BLTP1: variants seen among roughly 807,000 people sequenced by gnomAD.
BLTP1 encodes the protein bridge-like lipid transfer protein family member 1, also known as fragile site-associated protein.
chr4:122,207,970 T>G, the BLTP1 span: 42 of 984,280 alleles, frequency 4.3e-5, no homozygotes, highest in Non-Finnish European at 5.1e-5. Context: ...CTTTATTTGA[T>G]TCTTAATTGT....
chr4:122,286,619 C>T, the BLTP1 span: 1 of 1,614,112 alleles, frequency 6.2e-7, no homozygotes, highest in Non-Finnish European at 8.5e-7. Context: ...ACAGATATGT[C>T]AACCATTCCT....
the BLTP1 span, among the ~76,000 whole-genome samples, chr4:122,228,075 G>A: frequency 4.0e-5 from 6 of 151,802 alleles, no homozygotes; most frequent in African/African-American, 7.2e-5. Flanking sequence ...CACCACGCCC[G>A]GCTAATTTTT....
chr4:122,192,278 T>C, the BLTP1 span: 1 of 1,613,278 alleles, frequency 6.2e-7, no homozygotes, highest in East Asian at 2.2e-5. Context: ...AAATGAGCAG[T>C]GAGGATTGCA....
the BLTP1 span, chr4:122,254,623 T>G: frequency 5.0e-5 from 41 of 811,916 alleles, no homozygotes; most frequent in African/African-American, 1.2e-3. Context: ...TTTTTCTTTC[T>G]TTTCTATTGT....
the BLTP1 span, chr4:122,356,702 T>A: frequency 6.2e-7 from 1 of 1,613,704 alleles, no homozygotes; most frequent in East Asian, 2.2e-5. Flanking sequence ...GATGCTGAGC[T>A]CATCATGTTT....
At chr4:122,328,030 G>T in the BLTP1 span, 1 of 1,157,046 alleles carries the variant, frequency 8.6e-7, no homozygotes, top group Non-Finnish European at 1.2e-6. Context: ...ATTTTTAAAT[G>T]TTTAAATTTA....
At chr4:122,354,487 T>TG in the BLTP1 span, among the ~76,000 whole-genome samples, 1 of 151,292 alleles carries the variant, frequency 6.6e-6, no homozygotes, top group African/African-American at 2.4e-5. Flanking sequence ...TTTTTTTTTT[T>TG]CATTTGATTA....
the BLTP1 span, chr4:122,169,874 A>C: frequency 1.4e-5 from 14 of 985,110 alleles, no homozygotes; most frequent in Non-Finnish European, 4.8e-6. Flanking sequence ...AATAATGGAG[A>C]ATACATAGAG....
chr4:122,331,100 G>A, the BLTP1 span: 11 of 962,686 alleles, frequency 1.1e-5, no homozygotes, highest in Non-Finnish European at 1.4e-5. Flanking sequence ...CCTTAAAAGT[G>A]GTGATTATGT....
chr4:122,321,181 TTGTGCCATCATAAAG>T, the BLTP1 span, among the ~76,000 whole-genome samples: 1 of 152,064 alleles, frequency 6.6e-6, no homozygotes, highest in Non-Finnish European at 1.5e-5. Flanking sequence ...GTTACCTCTT[TTGTGCCATCATAAAG>T]TCAAAAAATC....
chr4:122,172,989 T>A, the BLTP1 span: 1 of 1,607,852 alleles, frequency 6.2e-7, no homozygotes, highest in Non-Finnish European at 8.5e-7. Context: ...GACACATTAC[T>A]GTGTAGAAGT....
chr4:122,335,957 TG>T, the BLTP1 span: 1 of 349,426 alleles, frequency 2.9e-6, no homozygotes, highest in East Asian at 4.7e-5. Flanking sequence ...GCTGAAAAAC[TG>T]GACCAAAACT....
chr4:122,359,589 C>G, the BLTP1 span: 6 of 1,610,988 alleles, frequency 3.7e-6, no homozygotes, highest in South Asian at 6.6e-5. Flanking sequence ...ATCTACTCGA[C>G]CAGGACAAAA....
At chr4:122,356,094 T>A in the BLTP1 span, 1 of 814,676 alleles carries the variant, frequency 1.2e-6, no homozygotes, top group Non-Finnish European at 1.8e-6. Flanking sequence ...CTAATGAAAT[T>A]AATTTTCTAG....
At chr4:122,339,153 A>G in the BLTP1 span, 1 of 1,552,070 alleles carries the variant, frequency 6.4e-7, no homozygotes, top group Non-Finnish European at 8.8e-7. Context: ...ATTTCTATTT[A>G]AAACTTTTCT....
chr4:122,234,845 C>T, the BLTP1 span: 1,021 of 1,598,456 alleles, frequency 6.4e-4, 7 homozygotes, highest in African/African-American at 0.011. Context: ...GTCTCGGTGG[C>T]TGCAGATTCT....
At chr4:122,173,939 C>A in the BLTP1 span, among the ~76,000 whole-genome samples, 1 of 151,816 alleles carries the variant, frequency 6.6e-6, no homozygotes, top group African/African-American at 2.4e-5. Context: ...TTAAAGTAAC[C>A]CATACTTTAA....
chr4:122,336,853 A>G, the BLTP1 span: 18 of 1,582,388 alleles, frequency 1.1e-5, no homozygotes, highest in East Asian at 2.2e-5. Flanking sequence ...TGATCTAATA[A>G]TAAAACTTAA....
the BLTP1 span, chr4:122,304,848 A>G: frequency 2.5e-6 from 4 of 1,613,848 alleles, no homozygotes; most frequent in Admixed American, 3.3e-5. Context: ...TAAGATTTGA[A>G]ACTGGATTGA....
Sources: allele counts gnomAD v4.1 joint callset (sites outside exome capture counted in the v4.1 genomes callset), GRCh38; gene constraint gnomAD v4.1.1; transcripts MANE v1.5; gene names NCBI Gene and HGNC (gene_info 2026-07-23, HGNC 2026-07-21).